WDTC1: variants seen among roughly 807,000 people sequenced by gnomAD.
WDTC1 encodes WD and tetratricopeptide repeats 1, also known as WD and tetratricopeptide repeats protein 1.
In WDTC1, 12 loss-of-function variants were observed where a neutral mutation model predicts 76.0. The ratio of observed to expected loss-of-function variants is 0.16; its 90% CI spans 0.10 to 0.26. The LOEUF (loss-of-function observed/expected upper bound fraction) is 0.26, where lower values mean the gene tolerates loss of function less well. WDTC1 is among the 10% of genes least tolerant of loss of function. WDTC1 has a pLI of 1.00. For synonymous variants in WDTC1, 326 were observed against 350.8 expected (o/e 0.93, Z 0.79); for missense variants, 511 against 908.8 (o/e 0.56, Z 5.63).
chr1:27,292,764 T>C (rs1570980718), intron 7 of WDTC1, among the ~76,000 whole-genome samples: 1 of 140,164 alleles, frequency 7.1e-6, no homozygotes, highest in African/African-American at 2.6e-5. Flanking sequence ...TTACTTTTTT[T>C]TTTTTTTTTT....
At chr1:27,287,957 A>G (rs2013391384) in intron 6 of WDTC1, 96 bp downstream of exon 6, 1 of 1,430,456 alleles carries the variant, frequency 7.0e-7, no homozygotes, top group African/African-American at 1.4e-5. Flanking sequence ...CCTCCAGCAG[A>G]GGTCCAACCT....
chr1:27,236,904 T>C (rs1244048605), intron 1 of WDTC1, among the ~76,000 whole-genome samples: 1 of 152,212 alleles, frequency 6.6e-6, no homozygotes, highest in African/African-American at 2.4e-5. Flanking sequence ...AGTGGCGCGA[T>C]CTCAGCTCAC....
At chr1:27,251,089 C>T (rs1285540461) in intron 1 of WDTC1, among the ~76,000 whole-genome samples, 1 of 110,344 alleles carries the variant, frequency 9.1e-6, no homozygotes, top group Non-Finnish European at 1.7e-5. Flanking sequence ...CAGGGTTTCA[C>T]CATATTGGCC....
Position 27,301,133 on chromosome 1 carries a change from C to A in WDTC1, c.1233-93C>A. ...TGCCATGAGATCTGTCAGTGGTGGGCTGGGGTGGCCACAGGAAGCAGAGGA... is the reference window on the plus strand; with the variant it reads ...TGCCATGAGATCTGTCAGTGGTGGGATGGGGTGGCCACAGGAAGCAGAGGA... On this transcript the variant is annotated intron_variant, in intron 12 of 15. Transcript: ENST00000319394. The surrounding 1 kb of genome is among the most constrained non-coding windows in gnomAD (Gnocchi z 5.8). 1.8e-6 allele frequency: 2 copies of A among 1,098,072 alleles called. No individual in the cohort carries two copies. Among genetic ancestry groups the A allele is most frequent in the Non-Finnish European group, 2.7e-6 (2 of 747,792 alleles). The allele number at this position is 1,098,072 out of a possible 1,614,324, so 68.0% of individuals were successfully genotyped here. A position where few individuals can be genotyped will look rare whatever the true frequency, so the allele number is the denominator to read the frequency against.
intron 1 of WDTC1, among the ~76,000 whole-genome samples, chr1:27,242,817 G>GAAGT (rs1465294065): frequency 6.6e-6 from 1 of 152,182 alleles, no homozygotes; most frequent in African/African-American, 2.4e-5. Flanking sequence ...CCACTGGGCA[G>GAAGT]GGGAGAAGAC....
At chr1:27,304,819 A>G in intron 14 of WDTC1, 182 bp from the exon 15 acceptor site, 1 of 577,268 alleles carries the variant, frequency 1.7e-6, no homozygotes, top group Non-Finnish European at 3.0e-6. Context: ...CCCTAGGTTT[A>G]AGAGAACAGT....
At chr1:27,251,973 G>C (rs184303942) in intron 1 of WDTC1, among the ~76,000 whole-genome samples, 1 of 151,816 alleles carries the variant, frequency 6.6e-6, no homozygotes, top group African/African-American at 2.4e-5. Flanking sequence ...GCTTGAACCC[G>C]GGAGGCAGAG....
In WDTC1 at chr1:27,298,129, A is replaced by T. The variant is rs748773821; in HGVS notation, c.1232+18A>T. The T allele has an allele frequency of 2.5e-5, 39 of 1,576,076 alleles. No homozygotes were observed. The highest frequency in any genetic ancestry group is 3.3e-5 in the Non-Finnish European group (38 of 1,155,458). ...CGCAAGTGGTGAGTGGCCACTGCAGAGGGGATCTGGGTCAGGATGAGGGAG... is the reference window on the plus strand; with the variant it reads ...CGCAAGTGGTGAGTGGCCACTGCAGTGGGGATCTGGGTCAGGATGAGGGAG... On this transcript the variant is annotated intron_variant, in intron 12 of 15. Coordinates refer to ENST00000319394, the MANE Select transcript of WDTC1 (RefSeq NM_001276252.2).
Position 27,269,339 on chromosome 1 carries a change from C to CA in WDTC1, c.132+6118dup, listed in dbSNP as rs749716965. On this transcript the variant is annotated intron_variant, in intron 3 of 15. Coordinates refer to ENST00000319394, the MANE Select transcript of WDTC1 (RefSeq NM_001276252.2). ...CTTGGGCAACAGAGTGGGACTGCCT[C>CA]AAAAAAAAAAAAAAGTACAAAACAG... Among the ~76,000 whole-genome samples, 369 of 111,832 alleles carry CA rather than the reference C, an allele frequency of 3.3e-3. 3 individuals are homozygous for CA. The highest frequency in any genetic ancestry group is 8.3e-3 in the African/African-American group (243 of 29,308). 73.4% of individuals were successfully genotyped at this position (111,832 alleles called of 152,430 possible).
chr1:27,236,428 A>G (rs1053917577), intron 1 of WDTC1, among the ~76,000 whole-genome samples: 2 of 152,060 alleles, frequency 1.3e-5, no homozygotes, highest in African/African-American at 2.4e-5. Context: ...TTTGACCTAT[A>G]TGGGAGCACT....
Position 27,306,498 on chromosome 1 carries a change from CCT to C in WDTC1, c.*116_*117del, listed in dbSNP as rs749949855. ...CCCACCACCCTTTTTTTTCATTTCC[CCT>C]GTTTTGTTTGTTAGTTTGGCGTTAG... On this transcript the variant is annotated 3_prime_UTR_variant, in exon 16 of 16. Transcript: ENST00000319394. The surrounding 1 kb of genome is among the most constrained non-coding windows in gnomAD (Gnocchi z 5.0). The C allele has an allele frequency of 7.7e-5, 101 of 1,313,144 alleles. No individual in the cohort carries two copies. Among genetic ancestry groups the C allele is most frequent in the Non-Finnish European group, 8.9e-5 (87 of 981,904 alleles). 81.3% of individuals were successfully genotyped at this position (1,313,144 alleles called of 1,614,324 possible).
At chr1:27,270,495 C>T (rs2012835027) in intron 3 of WDTC1, among the ~76,000 whole-genome samples, 1 of 152,090 alleles carries the variant, frequency 6.6e-6, no homozygotes, top group Non-Finnish European at 1.5e-5. Flanking sequence ...GAGTTCAAGA[C>T]CAGCCTGGCT....
rs2013826927 is a variant in WDTC1, at chr1:27,301,305, C to T, written c.1312C>T (p.Arg438Cys). Residue 438 changes from arginine to cysteine, a missense_variant, in exon 13 of 16, where the codon CGC (arginine) becomes TGC (cysteine). Transcript: ENST00000319394. This position sits in a 1 kb window ranked among gnomAD's most constrained non-coding sequence, Gnocchi z 5.8. ...CCCATGCCACCTGAAGGCACACTTT[C>T]GCCTGGCCCGCTGCCTCTTTGAGCT... The part of the protein sequence containing the change: ...LNPCHLKAHF[R>C]LARCLFELKY... 2 of 1,614,102 alleles carry T rather than the reference C, an allele frequency of 1.2e-6. No individual in the cohort carries two copies. Among genetic ancestry groups the T allele is most frequent in the Non-Finnish European group, 1.7e-6 (2 of 1,180,058 alleles).
chr1:27,277,074 C>T (rs1557495006), intron 3 of WDTC1, among the ~76,000 whole-genome samples: 1 of 151,418 alleles, frequency 6.6e-6, no homozygotes, highest in African/African-American at 2.4e-5. Flanking sequence ...TCTCTGTAAC[C>T]CTCACTGGAG....
At chr1:27,284,437 A>T (rs1470048697) in intron 5 of WDTC1, among the ~76,000 whole-genome samples, 2 of 152,202 alleles carry the variant, frequency 1.3e-5, no homozygotes, top group African/African-American at 4.8e-5. Flanking sequence ...GAATTACAAG[A>T]TACCTGAACA....
intron 1 of WDTC1, 92 bp downstream of exon 1, chr1:27,235,043 G>T: frequency 2.8e-6 from 1 of 354,268 alleles, no homozygotes; most frequent in Non-Finnish European, 5.1e-6. Context: ...GCTCTGGGCC[G>T]GCTCCAGCCC....
At chr1:27,275,948 G>A (rs949801292) in intron 3 of WDTC1, among the ~76,000 whole-genome samples, 8 of 152,094 alleles carry the variant, frequency 5.3e-5, no homozygotes, top group African/African-American at 1.9e-4. Flanking sequence ...ATTTTCTGTT[G>A]CAATGGATTT....
chr1:27,303,826 C>T lies in WDTC1; in HGVS notation c.1643+31C>T, dbSNP rs942107677. ...AGGCCCTGAAGAGGAGGGTGCAGCCCAGTTGGCAGCGGGAGGTTGAGTGGG... is the reference window on the plus strand; with the variant it reads ...AGGCCCTGAAGAGGAGGGTGCAGCCTAGTTGGCAGCGGGAGGTTGAGTGGG... On this transcript the variant is annotated intron_variant, in intron 14 of 15. Coordinates refer to ENST00000319394, the MANE Select transcript of WDTC1 (RefSeq NM_001276252.2). The surrounding 1 kb of genome is among the most constrained non-coding windows in gnomAD (Gnocchi z 4.8). 1.9e-6 allele frequency: 3 copies of T among 1,609,228 alleles called. No homozygotes were observed. The highest frequency in any genetic ancestry group is 2.5e-6 in the Non-Finnish European group (3 of 1,178,384).
chr1:27,289,112 G>A (rs1162968183), intron 6 of WDTC1, among the ~76,000 whole-genome samples: 6 of 144,362 alleles, frequency 4.2e-5, no homozygotes, highest in African/African-American at 7.7e-5. Context: ...TGGACGGGGC[G>A]GCTGGCTGGG....
Sources: gnomAD v4.1 joint callset for allele counts (sites outside exome capture counted in the v4.1 genomes callset) on GRCh38, gnomAD v4.1.1 for gene constraint, Gnocchi (gnomAD v3.1) non-coding constraint, MANE v1.5 for transcripts, NCBI Gene and HGNC (gene_info 2026-07-23, HGNC 2026-07-21) for gene names.